RBFOX1: variants seen among roughly 807,000 people sequenced by gnomAD.
RBFOX1 encodes the protein RNA binding fox-1 homolog 1.
Under a neutral mutation model 57.7 loss-of-function variants are expected in RBFOX1, and 8 were observed. That is an observed-to-expected ratio of 0.14 (90% confidence interval 0.08 to 0.25). The LOEUF (loss-of-function observed/expected upper bound fraction) is 0.25, where lower values mean the gene tolerates loss of function less well. RBFOX1 is among the 10% of genes least tolerant of loss of function. The probability of loss-of-function intolerance (pLI) is 1.00; values close to 1 mark genes in which losing one functional copy is unlikely to be tolerated. For missense variants in RBFOX1, 611 were observed against 548.5 expected (o/e 1.11, Z -1.14); for synonymous variants, 326 against 222.4 (o/e 1.47, Z -4.15).
chr16:7,194,638 T>G (rs113194070), intron 4 of RBFOX1, among the ~76,000 whole-genome samples: 9 of 152,238 alleles, frequency 5.9e-5, no homozygotes, highest in African/African-American at 2.2e-4. Flanking sequence ...TAGAAAGTGG[T>G]GAATTTAGCC....
intron 2 of RBFOX1, among the ~76,000 whole-genome samples, chr16:6,457,868 T>C (rs2094815372): frequency 6.6e-6 from 1 of 152,152 alleles, no homozygotes; most frequent in South Asian, 2.1e-4. Context: ...TATTAGTTTC[T>C]CCCCTGCAAT....
At chr16:5,624,066 C>T (rs1053016935) in intron 3 of RBFOX1, among the ~76,000 whole-genome samples, 7 of 152,164 alleles carry the variant, frequency 4.6e-5, no homozygotes, top group African/African-American at 2.4e-5. Context: ...CCCCATTTTA[C>T]AGAAGAGCAA....
intron 2 of RBFOX1, among the ~76,000 whole-genome samples, chr16:5,472,879 G>C (rs1166305944): frequency 6.6e-6 from 1 of 152,198 alleles, no homozygotes; most frequent in Non-Finnish European, 1.5e-5. Context: ...ACTTCCAGAG[G>C]AACTCAGGTT....
intron 4 of RBFOX1, among the ~76,000 whole-genome samples, chr16:7,354,008 GTCAC>G: frequency 6.6e-6 from 1 of 152,176 alleles, no homozygotes; most frequent in Non-Finnish European, 1.5e-5. Context: ...CTCTTGCTCT[GTCAC>G]TCAGGCTGGA....
chr16:6,017,240 GACAA>G (rs1256602506), upstream of RBFOX1, among the ~76,000 whole-genome samples: 10 of 152,312 alleles, frequency 6.6e-5, no homozygotes, highest in Admixed American at 2.0e-4. Flanking sequence ...AAGGAGAATA[GACAA>G]ACAATTCCTG....
intron 3 of RBFOX1, among the ~76,000 whole-genome samples, chr16:6,959,859 C>G (rs1433116108): frequency 6.6e-6 from 1 of 152,112 alleles, no homozygotes; most frequent in African/African-American, 2.4e-5. Flanking sequence ...ATCGCTTGAA[C>G]CTAGGAGGCG....
At chr16:6,399,325 T>A (rs188056432) in intron 2 of RBFOX1, among the ~76,000 whole-genome samples, 13 of 152,346 alleles carry the variant, frequency 8.5e-5, no homozygotes, top group Non-Finnish European at 1.6e-4. Context: ...ATTGTCTTGG[T>A]AATTGACATT....
intron 3 of RBFOX1, among the ~76,000 whole-genome samples, chr16:6,973,091 A>C (rs1486087852): frequency 6.6e-6 from 1 of 152,034 alleles, no homozygotes; most frequent in South Asian, 2.1e-4. Flanking sequence ...AGATTGCACT[A>C]CTGCACTCCA....
intron 3 of RBFOX1, among the ~76,000 whole-genome samples, chr16:6,726,730 G>T (rs1178669566): frequency 1.3e-5 from 2 of 152,062 alleles, no homozygotes; most frequent in Non-Finnish European, 2.9e-5. Flanking sequence ...TTCTGCTGTG[G>T]CTGCTGCTTC....
chr16:7,379,262 C>A (rs1391900228), intron 4 of RBFOX1, among the ~76,000 whole-genome samples: 1 of 152,262 alleles, frequency 6.6e-6, no homozygotes, highest in African/African-American at 2.4e-5. Flanking sequence ...TAAAGAGTTT[C>A]ATTGGTAACT....
intron 3 of RBFOX1, among the ~76,000 whole-genome samples, chr16:5,774,149 G>C (rs1302496389): frequency 1.3e-5 from 2 of 152,200 alleles, no homozygotes; most frequent in Non-Finnish European, 2.9e-5. Flanking sequence ...GCAGGAGGAG[G>C]AGGAGTGGGT....
intron 1 of RBFOX1, among the ~76,000 whole-genome samples, chr16:6,190,226 A>C (rs1172333961): frequency 1.3e-5 from 2 of 152,224 alleles, no homozygotes; most frequent in Non-Finnish European, 2.9e-5. Context: ...AATGAAGGGC[A>C]GTTATTTGAA....
intron 3 of RBFOX1, among the ~76,000 whole-genome samples, chr16:5,818,951 T>C (rs760879003): frequency 1.3e-5 from 2 of 152,182 alleles, no homozygotes; most frequent in Non-Finnish European, 2.9e-5. Context: ...TTACAATGGA[T>C]GGGTCTTAAT....
At chr16:7,641,515 T>C (rs2062788451) in intron 11 of RBFOX1, among the ~76,000 whole-genome samples, 1 of 152,246 alleles carries the variant, frequency 6.6e-6, no homozygotes, top group South Asian at 2.1e-4. Flanking sequence ...CCTTGAGTTT[T>C]GTTTGTATGC....
At chr16:6,822,240 C>A (rs746966729) in intron 3 of RBFOX1, among the ~76,000 whole-genome samples, 3 of 152,082 alleles carry the variant, frequency 2.0e-5, no homozygotes, top group African/African-American at 7.2e-5. Context: ...GCAGATTTCC[C>A]TTGAGTATCA....
At chr16:5,432,465 G>T (rs909908232) in intron 1 of RBFOX1, among the ~76,000 whole-genome samples, 1 of 150,980 alleles carries the variant, frequency 6.6e-6, no homozygotes, top group Admixed American at 6.6e-5. Context: ...GCTTTTTATT[G>T]GTGTTGGATT....
intron 3 of RBFOX1, among the ~76,000 whole-genome samples, chr16:5,762,614 CTA>C (rs1330376109): frequency 6.6e-6 from 1 of 152,150 alleles, no homozygotes; most frequent in Non-Finnish European, 1.5e-5. Context: ...AGAAGGCACT[CTA>C]TAAATAGTTG....
chr16:6,113,326 T>G (rs2096465260), intron 1 of RBFOX1, among the ~76,000 whole-genome samples: 1 of 152,232 alleles, frequency 6.6e-6, no homozygotes, highest in South Asian at 2.1e-4. Flanking sequence ...GCAAGTTATG[T>G]GGCCAAATCC....
chr16:6,676,388 T>A (rs1422619150), intron 3 of RBFOX1, among the ~76,000 whole-genome samples: 1 of 152,044 alleles, frequency 6.6e-6, no homozygotes, highest in East Asian at 1.9e-4. Context: ...CTGCCCCAGT[T>A]GGGTCCTAGC....
Sources: gnomAD v4.1 joint callset for allele counts (sites outside exome capture counted in the v4.1 genomes callset) on GRCh38, gnomAD v4.1.1 for gene constraint, MANE v1.5 for transcripts, NCBI Gene and HGNC (gene_info 2026-07-23, HGNC 2026-07-21) for gene names.